Variants in TUBA3C observed in about 807,000 individuals in gnomAD.
TUBA3C encodes tubulin alpha 3c.
A neutral mutation model predicts 33.4 loss-of-function variants in TUBA3C; 23 were observed. The ratio of observed to expected loss-of-function variants is 0.69; its 90% CI spans 0.50 to 0.98. TUBA3C has a LOEUF of 0.98. Ranked by LOEUF, TUBA3C falls within the 50% of genes least tolerant of loss-of-function variation. The probability of loss-of-function intolerance (pLI) is 0.00; values close to 1 mark genes in which losing one functional copy is unlikely to be tolerated. For missense variants in TUBA3C, 402 were observed against 616.0 expected (o/e 0.65, Z 3.68); for synonymous variants, 269 against 250.4 (o/e 1.07, Z -0.70).
chr13:19,174,563 GTGGTGT>G (rs1869116677), intron 4 of TUBA3C, among the ~76,000 whole-genome samples: 1 of 152,010 alleles, frequency 6.6e-6, no homozygotes, highest in African/African-American at 2.4e-5. Context: ...AATCTTGTAG[GTGGTGT>G]ATATATTTTA....
chr13:19,174,294 C>A, intron 4 of TUBA3C, 135 bp from the exon 5 acceptor site: 1 of 1,316,498 alleles, frequency 7.6e-7, no homozygotes, highest in Non-Finnish European at 1.0e-6. Context: ...GTCACTAAGC[C>A]CTTCTCTGTG....
Position 19,173,821 on chromosome 13 carries a change from C to T in TUBA3C, c.*42G>A. On this transcript the variant is annotated 3_prime_UTR_variant, in exon 5 of 5. Coordinates refer to ENST00000400113, the MANE Select transcript of TUBA3C (RefSeq NM_006001.3). ...TGCAAAGAACTTGAAAGCAGCCACG[C>T]TGGGGGTGGCAGTGGAGTGGAGAAC... 1 of 1,583,132 alleles carries T rather than the reference C, an allele frequency of 6.3e-7. No individual in the cohort carries two copies. Among genetic ancestry groups the T allele is most frequent in the East Asian group, 2.2e-5 (1 of 44,564 alleles).
chr13:19,175,025 G>T (rs550989493), intron 4 of TUBA3C, among the ~76,000 whole-genome samples: 1 of 152,288 alleles, frequency 6.6e-6, no homozygotes, highest in South Asian at 2.1e-4. Context: ...GAGGTGGACA[G>T]ATCACGAGGT....
chr13:19,175,892 C>T (rs36216409), intron 4 of TUBA3C, among the ~76,000 whole-genome samples: 8 of 152,184 alleles, frequency 5.3e-5, no homozygotes, highest in Non-Finnish European at 7.4e-5. Context: ...TACAGGTGCC[C>T]GCCACCATAC....
chr13:19,175,120 C>T (rs1001412838), intron 4 of TUBA3C, among the ~76,000 whole-genome samples: 3 of 151,986 alleles, frequency 2.0e-5, no homozygotes, highest in South Asian at 2.1e-4. Context: ...GGTGTGGTGG[C>T]GGGCGCCTGT....
chr13:19,174,644 T>C (rs769459720), intron 4 of TUBA3C, among the ~76,000 whole-genome samples: 1 of 151,972 alleles, frequency 6.6e-6, no homozygotes, highest in Non-Finnish European at 1.5e-5. Context: ...TCATGTAGGG[T>C]TTGATTTAAA....
Position 19,179,566 on chromosome 13 carries a change from G to C in TUBA3C, c.4-3C>G, listed in dbSNP as rs1869330531. On this transcript the variant is annotated splice_polypyrimidine_tract_variant and splice_region_variant and intron_variant, in intron 1 of 4. Coordinates refer to ENST00000400113, the MANE Select transcript of TUBA3C (RefSeq NM_006001.3). ...ACGTGGATAGAGATACACTCACGCT[G>C]TGAACCAGAACATAAATGTAGACCC... is the stretch of plus-strand genomic sequence containing the variant. The C allele has an allele frequency of 1.2e-6, 2 of 1,613,384 alleles. No homozygotes were observed. The highest frequency in any genetic ancestry group is 2.2e-5 in the South Asian group (2 of 91,040).
In TUBA3C at chr13:19,174,174, G is replaced by A. The variant is rs1869104738; in HGVS notation, c.1057-15C>T. 1 of 1,605,052 alleles carries A rather than the reference G, an allele frequency of 6.2e-7. No homozygotes were observed. The highest frequency in any genetic ancestry group is 1.3e-5 in the African/African-American group (1 of 74,874). Reference sequence around the variant, plus strand: ...TTAATGCCCACCTGCCGGAGAAGAGGAAGAAACAGTCCATGAAGCTTATAT... The same window carrying A: ...TTAATGCCCACCTGCCGGAGAAGAGAAAGAAACAGTCCATGAAGCTTATAT... On this transcript the variant is annotated splice_polypyrimidine_tract_variant and intron_variant, in intron 4 of 4. Coordinates refer to ENST00000400113, the MANE Select transcript of TUBA3C (RefSeq NM_006001.3).
intron 4 of TUBA3C, among the ~76,000 whole-genome samples, chr13:19,174,668 G>T (rs9507559): frequency 0.042 from 6,322 of 151,782 alleles, 166 homozygotes; most frequent in Middle Eastern, 0.068. Flanking sequence ...AGAATGAGTT[G>T]TTTGTGATGA....
chr13:19,177,767 A>G lies in TUBA3C; in HGVS notation c.376-160T>C, dbSNP rs1032055302. 1.3e-5 allele frequency among the ~76,000 whole-genome samples: 2 copies of G among 151,986 alleles called. No homozygotes were observed. Among genetic ancestry groups the G allele is most frequent in the East Asian group, 1.9e-4 (1 of 5,166 alleles). ...CTGAAGCAAAGAAAAGCAGACAAAG[A>G]TCTACAGACAAATCACCATGCATAC... On this transcript the variant is annotated intron_variant, in intron 3 of 4. Transcript: ENST00000400113. The surrounding 1 kb of genome is among the most constrained non-coding windows in gnomAD (Gnocchi z 5.0).
intron 1 of TUBA3C, among the ~76,000 whole-genome samples, chr13:19,180,701 T>C (rs1468891331): frequency 6.6e-6 from 1 of 152,024 alleles, no homozygotes; most frequent in Admixed American, 6.5e-5. Flanking sequence ...TTCACCGTGT[T>C]AGCCAGGATG....
chr13:19,179,549 A>G lies in TUBA3C; in HGVS notation c.18T>C (p.Ser6=). MRECI[S]IHVGQAGVQI... is the part of the protein sequence containing the mutation. ...GGACTCCTGCCTGCCCCACGTGGAT[A>G]GAGATACACTCACGCTGTGAACCAG... The change falls in exon 2 of 5, where the codon TCT becomes TCC. Residue 6 remains serine (S), a synonymous_variant. Coordinates refer to ENST00000400113, the MANE Select transcript of TUBA3C (RefSeq NM_006001.3). 6.2e-7 allele frequency: 1 copy of G among 1,614,142 alleles called. No individual in the cohort carries two copies. Among genetic ancestry groups the G allele is most frequent in the Non-Finnish European group, 8.5e-7 (1 of 1,179,962 alleles).
intron 1 of TUBA3C, among the ~76,000 whole-genome samples, chr13:19,180,961 C>CAAA (rs532243124): frequency 1.2e-5 from 1 of 82,134 alleles, no homozygotes; most frequent in Non-Finnish European, 2.6e-5. Flanking sequence ...TGAGCCGTTT[C>CAAA]AAAAAAAAAA....
chr13:19,176,884 T>C (rs753710828), intron 4 of TUBA3C, 43 bp downstream of exon 4: 1 of 1,593,314 alleles, frequency 6.3e-7, no homozygotes, highest in South Asian at 1.1e-5. Flanking sequence ...GTGTGTCTGT[T>C]GCTTGCTGAA....
intron 4 of TUBA3C, among the ~76,000 whole-genome samples, chr13:19,174,640 A>G (rs1869120001): frequency 6.6e-6 from 1 of 152,106 alleles, no homozygotes; most frequent in African/African-American, 2.4e-5. Context: ...TGTCTCATGT[A>G]GGGTTTGATT....
chr13:19,176,758 A>AAAAAAAAAAAC (rs1869196961), intron 4 of TUBA3C, among the ~76,000 whole-genome samples, 169 bp downstream of exon 4: 3 of 144,096 alleles, frequency 2.1e-5, no homozygotes, highest in Non-Finnish European at 3.1e-5. Context: ...AAAAAAAAAA[A>AAAAAAAAAAAC]AGACATCACT....
chr13:19,181,740 C>A lies in TUBA3C; in HGVS notation c.3+5G>T, dbSNP rs1300330488. ...GTCTGCGGGGTGGGAGTGACCTGGCCTTACCATGTTGAGCTCCTCCGCTGC... is the reference window on the plus strand; with the variant it reads ...GTCTGCGGGGTGGGAGTGACCTGGCATTACCATGTTGAGCTCCTCCGCTGC... On this transcript the variant is annotated splice_donor_5th_base_variant and intron_variant, in intron 1 of 4. Transcript: ENST00000400113. The A allele has an allele frequency of 6.2e-7, 1 of 1,602,430 alleles. No individual in the cohort carries two copies.
intron 1 of TUBA3C, among the ~76,000 whole-genome samples, chr13:19,180,905 C>T (rs1869390300): frequency 6.6e-6 from 1 of 150,590 alleles, no homozygotes; most frequent in Admixed American, 6.6e-5. Flanking sequence ...CTGCAGGGAG[C>T]CGTGATCGTG....
rs1869434094 is a variant in TUBA3C, at chr13:19,181,819, A to G, written c.-72T>C. On this transcript the variant is annotated 5_prime_UTR_variant, in exon 1 of 5. Transcript: ENST00000400113. ...ACCGCCGCTGCAGCTGCGCACGCCC[A>G]ACGACAGCCTCCCGCCGTGCGCTGT... The G allele has an allele frequency of 1.3e-6, 2 of 1,584,586 alleles. No homozygotes were observed. The highest frequency in any genetic ancestry group is 1.7e-6 in the Non-Finnish European group (2 of 1,169,294).
Sources: allele counts gnomAD v4.1 joint callset (sites outside exome capture counted in the v4.1 genomes callset), GRCh38; gene constraint gnomAD v4.1.1; non-coding constraint Gnocchi (gnomAD v3.1); transcripts MANE v1.5; gene names NCBI Gene and HGNC (gene_info 2026-07-23, HGNC 2026-07-21).